The following RAI1 variants were observed in gnomAD, a reference collection of about 807,000 sequenced individuals.
The protein encoded by RAI1 is retinoic acid induced 1.
A neutral mutation model predicts 123.8 loss-of-function variants in RAI1; 9 were observed. The observed-to-expected ratio is 0.07, with a 90% CI of 0.04 to 0.13. The LOEUF is 0.13. Among genes scored for constraint, RAI1 ranks in the 10% least tolerant of loss-of-function variants. The pLI is 1.00. For missense variants in RAI1, 2,256 were observed against 2,545.8 expected (o/e 0.89, Z 2.45); for synonymous variants, 1,231 against 1,127.3 (o/e 1.09, Z -1.84).
intron 2 of RAI1, among the ~76,000 whole-genome samples, chr17:17,790,529 A>T (rs529858445): frequency 6.6e-6 from 1 of 152,218 alleles, no homozygotes; most frequent in South Asian, 2.1e-4. Context: ...GCAGACGGAC[A>T]GGCAGGGAGG....
chr17:17,731,000 G>A (rs369332068), intron 2 of RAI1, among the ~76,000 whole-genome samples: 1 of 152,204 alleles, frequency 6.6e-6, no homozygotes, highest in East Asian at 1.9e-4. Flanking sequence ...CAGGGCAGGC[G>A]ATGCCCAAGG....
intron 2 of RAI1, among the ~76,000 whole-genome samples, chr17:17,741,729 G>A (rs554554581): frequency 2.6e-3 from 390 of 152,348 alleles, no homozygotes; most frequent in Non-Finnish European, 2.1e-3. Context: ...AATCCCCGAG[G>A]TGGTTCTAAA....
intron 2 of RAI1, among the ~76,000 whole-genome samples, chr17:17,725,158 G>C (rs1598037063): frequency 6.6e-6 from 1 of 152,192 alleles, no homozygotes; most frequent in Non-Finnish European, 1.5e-5. Flanking sequence ...CGGCGAAGGC[G>C]GCAGGCTTGG....
intron 2 of RAI1, among the ~76,000 whole-genome samples, chr17:17,763,966 ACAGGTGTAC>A (rs1439006534): frequency 6.6e-6 from 1 of 152,240 alleles, no homozygotes; most frequent in Admixed American, 6.5e-5. Flanking sequence ...AGGGAGAGAG[ACAGGTGTAC>A]AGATGCATGG....
intron 2 of RAI1, among the ~76,000 whole-genome samples, chr17:17,750,036 G>A (rs1248447336): frequency 6.6e-6 from 1 of 152,250 alleles, no homozygotes; most frequent in Non-Finnish European, 1.5e-5. Flanking sequence ...ATGGCAATGT[G>A]GCCGGGGCAT....
Position 17,809,175 on chromosome 17 carries a change from G to C in RAI1, c.5660-215G>C. The C allele has an allele frequency of 1.5e-6, 1 of 652,896 alleles. No homozygotes were observed. The highest frequency in any genetic ancestry group is 2.8e-6 in the Non-Finnish European group (1 of 360,078). The allele number at this position is 652,896 out of a possible 1,614,324, so 40.4% of individuals were successfully genotyped here. A position where few individuals can be genotyped will look rare whatever the true frequency, so the allele number is the denominator to read the frequency against. ...AAAAGCTCTCCGCGGAGGAGGTGAGGTGAGTCAAGACTGCCAGGCCAGGGG... is the reference window on the plus strand; with the variant it reads ...AAAAGCTCTCCGCGGAGGAGGTGAGCTGAGTCAAGACTGCCAGGCCAGGGG... On this transcript the variant is annotated intron_variant, in intron 4 of 5. Coordinates refer to ENST00000353383, the MANE Select transcript of RAI1 (RefSeq NM_030665.4). The surrounding 1 kb of genome is among the most constrained non-coding windows in gnomAD (Gnocchi z 4.9).
intron 2 of RAI1, among the ~76,000 whole-genome samples, chr17:17,755,970 C>G (rs1250563267): frequency 3.3e-5 from 5 of 152,220 alleles, no homozygotes; most frequent in Non-Finnish European, 7.3e-5. Flanking sequence ...GGACCAGTGT[C>G]CCCAGTGCGG....
rs770579709 is a variant in RAI1, at chr17:17,795,395, G to T, written c.2447G>T (p.Gly816Val). ...LPGDFKQEEV[G>V]GVKEEAGGLL... ...GGGGACTTCAAGCAGGAGGAGGTGG[G>T]TGGGGTGAAGGAGGAGGCAGGTGGG... The change falls in exon 3 of 6, where the codon GGT (glycine) becomes GTT (valine). Residue 816 changes from glycine to valine, a missense_variant. Around this residue, in one of 7 missense-constraint regions of RAI1, gnomAD observed 566 missense variants for 616.0 expected, o/e 0.92. Coordinates refer to ENST00000353383, the MANE Select transcript of RAI1 (RefSeq NM_030665.4). This position sits in a 1 kb window ranked among gnomAD's most constrained non-coding sequence, Gnocchi z 5.9. 3.1e-5 allele frequency: 50 copies of T among 1,592,426 alleles called. 1 individual carries two copies. The South Asian group carries it at 5.6e-4, about 18-fold the overall frequency.
intron 2 of RAI1, among the ~76,000 whole-genome samples, chr17:17,782,449 C>T (rs1376331813): frequency 3.3e-5 from 5 of 151,702 alleles, no homozygotes; most frequent in South Asian, 2.1e-4. Context: ...CGCGGTTGCA[C>T]GTGTGCGGGG....
At chr17:17,784,576 G>T (rs897714025) in intron 2 of RAI1, among the ~76,000 whole-genome samples, 1 of 152,214 alleles carries the variant, frequency 6.6e-6, no homozygotes. Context: ...GTGTCTTCCC[G>T]TGGCTCGTTG....
At chr17:17,747,150 C>T (rs1567868877) in intron 2 of RAI1, among the ~76,000 whole-genome samples, 1 of 152,178 alleles carries the variant, frequency 6.6e-6, no homozygotes, top group Non-Finnish European at 1.5e-5. Context: ...CCACCCAGAT[C>T]AGGGGCACTG....
chr17:17,730,960 A>C (rs1260965929), intron 2 of RAI1, among the ~76,000 whole-genome samples: 1 of 152,216 alleles, frequency 6.6e-6, no homozygotes, highest in Non-Finnish European at 1.5e-5. Context: ...AGAGTCCCTG[A>C]GTGGCCGAGA....
At chr17:17,708,704 T>C (rs1404780347) in intron 1 of RAI1, among the ~76,000 whole-genome samples, 1 of 152,178 alleles carries the variant, frequency 6.6e-6, no homozygotes, top group East Asian at 1.9e-4. Context: ...TCACTCTCTT[T>C]CTAGCGACTG....
chr17:17,761,280 G>C (rs1462104539), intron 2 of RAI1, among the ~76,000 whole-genome samples: 1 of 151,400 alleles, frequency 6.6e-6, no homozygotes, highest in Admixed American at 6.6e-5. Flanking sequence ...AGTGCCCAAG[G>C]AAGTGGGGGT....
Position 17,810,027 on chromosome 17 carries a change from G to T in RAI1, c.*46G>T. The T allele has an allele frequency of 6.5e-7, 1 of 1,541,996 alleles. No homozygotes were observed. On this transcript the variant is annotated 3_prime_UTR_variant, in exon 6 of 6. Transcript: ENST00000353383. This position sits in a 1 kb window ranked among gnomAD's most constrained non-coding sequence, Gnocchi z 4.6. The stretch of plus-strand genomic sequence containing the variant: ...AGGAGCCGCCGGAGCCCGCCTGCCC[G>T]CCCGCCGCCGAAGGAGAGGAGCCGC...
At chr17:17,798,543 G>C in intron 3 of RAI1, 30 bp downstream of exon 3, 2 of 1,597,136 alleles carry the variant, frequency 1.3e-6, no homozygotes, top group African/African-American at 2.7e-5. Flanking sequence ...AGGGTGGGGA[G>C]TGTGGGGTTC....
At chr17:17,694,943 G>A (rs761858482) in intron 1 of RAI1, among the ~76,000 whole-genome samples, 1 of 152,116 alleles carries the variant, frequency 6.6e-6, no homozygotes, top group Admixed American at 6.5e-5. Flanking sequence ...CGGGCCAGGC[G>A]GCGCGCATCT....
chr17:17,746,019 G>C (rs1168373321), intron 2 of RAI1, among the ~76,000 whole-genome samples: 5 of 152,118 alleles, frequency 3.3e-5, no homozygotes, highest in African/African-American at 1.2e-4. Flanking sequence ...GCATGCATTG[G>C]GAGGCATCCC....
intron 2 of RAI1, among the ~76,000 whole-genome samples, chr17:17,734,128 T>C (rs938762566): frequency 5.9e-5 from 9 of 152,244 alleles, no homozygotes; most frequent in Admixed American, 5.9e-4. Flanking sequence ...TGAAGCCTTG[T>C]TTCTAGTCAA....
Sources: allele counts gnomAD v4.1 joint callset (sites outside exome capture counted in the v4.1 genomes callset), GRCh38; gene constraint gnomAD v4.1.1; regional missense constraint gnomAD v4.1.1; non-coding constraint Gnocchi (gnomAD v3.1); transcripts MANE v1.5; gene names NCBI Gene and HGNC (gene_info 2026-07-23, HGNC 2026-07-21).